The following PKP4 variants were observed in gnomAD, a reference collection of about 807,000 sequenced individuals.
PKP4 encodes plakophilin 4, also known as plakophilin-4.
PKP4 carries 90 observed loss-of-function variants against 145.1 expected under a neutral mutation model. The observed-to-expected ratio is 0.62, with a 90% confidence interval of 0.52 to 0.74. The LOEUF (loss-of-function observed/expected upper bound fraction) is 0.74. Ranked by LOEUF, PKP4 falls within the 30% of genes least tolerant of loss-of-function variation. The pLI, the probability that PKP4 is intolerant of heterozygous loss-of-function variation, is 0.00. For missense variants in PKP4, 1,340 were observed against 1,482.7 expected (o/e 0.90, Z 1.58); for synonymous variants, 563 against 577.2 (o/e 0.98, Z 0.35).
At position 158,640,748 on chromosome 2, in the gene PKP4, G is replaced by A; in HGVS notation, c.1684G>A (p.Val562Met). ...GCACCTGTGCTTTGGTGACAACAAAGTGAAGATGGAGGTACAGGACATGGT... is the reference window on the plus strand; with the variant it reads ...GCACCTGTGCTTTGGTGACAACAAAATGAAGATGGAGGTACAGGACATGGT... ...LQHLCFGDNKVKMEVCRLGGI... is the reference protein window; with the variant it reads ...LQHLCFGDNKMKMEVCRLGGI... The change falls in exon 10 of 22, where the codon GTG becomes ATG. Residue 562 changes from valine (V) to methionine (M), a missense_variant. Transcript: ENST00000389759. 1 of 1,614,132 alleles carries A rather than the reference G, an allele frequency of 6.2e-7. No homozygotes were observed. The highest frequency in any genetic ancestry group is 8.5e-7 in the Non-Finnish European group (1 of 1,179,978).
At chr2:158,471,451 T>C (rs1335534308) in intron 1 of PKP4, among the ~76,000 whole-genome samples, 1 of 152,208 alleles carries the variant, frequency 6.6e-6, no homozygotes, top group Non-Finnish European at 1.5e-5. Context: ...TTCTGGATCA[T>C]GAGATCTATT....
chr2:158,617,753 A>G (rs1327650932), intron 4 of PKP4, among the ~76,000 whole-genome samples: 1 of 152,262 alleles, frequency 6.6e-6, no homozygotes, highest in African/African-American at 2.4e-5. Flanking sequence ...TTTGTGGATC[A>G]CAAGTTTTCA....
At chr2:158,636,432 T>C (rs1306636654) in intron 9 of PKP4, among the ~76,000 whole-genome samples, 1 of 152,178 alleles carries the variant, frequency 6.6e-6, no homozygotes, top group Admixed American at 6.5e-5. Context: ...GTGTCTTTTC[T>C]TTGGCTGCTT....
rs138907687 is a variant in PKP4 at position 158,555,598 on chromosome 2, G to C, written c.133-21673G>C. Among the ~76,000 whole-genome samples the C allele has an allele frequency of 8.4e-3, 1,274 of 152,296 alleles. 16 individuals carry two copies. Among genetic ancestry groups the C allele is most frequent in the African/African-American group, 0.028 (1,168 of 41,550 alleles). On this transcript the variant is annotated intron_variant, in intron 2 of 21. Coordinates refer to ENST00000389759, the MANE Select transcript of PKP4 (RefSeq NM_003628.6). The stretch of plus-strand genomic sequence containing the variant: ...TGCAACACAATTTATACCCAAGTGT[G>C]GGAAATGTTTGTTAAATGTCTTGTA...
rs773526767 is a variant in PKP4, at chr2:158,669,851, A to G, written c.2860A>G (p.Lys954Glu). 1.2e-6 allele frequency: 2 copies of G among 1,614,120 alleles called. No individual in the cohort carries two copies. The highest frequency in any genetic ancestry group is 1.7e-6 in the Non-Finnish European group (2 of 1,179,938). Reference sequence around the variant, plus strand: ...CACCAGCAAAAACATGGAGAACGCAAAAGCCCTGGCCGACTCAGGAGGCAT... The same window carrying G: ...CACCAGCAAAAACATGGAGAACGCAGAAGCCCTGGCCGACTCAGGAGGCAT... ...EVTSKNMENA[K>E]ALADSGGIEK... Residue 954 changes from lysine to glutamate, a missense_variant, in exon 17 of 22, where the codon AAA (lysine) becomes GAA (glutamate). Physicochemically the swap from Lys to Glu is moderately conservative, Grantham distance 56. Transcript: ENST00000389759.
chr2:158,570,535 A>G (rs1422919587), intron 2 of PKP4, among the ~76,000 whole-genome samples: 1 of 152,224 alleles, frequency 6.6e-6, no homozygotes, highest in Non-Finnish European at 1.5e-5. Flanking sequence ...ACCAACAACA[A>G]TTGAAATAAA....
chr2:158,569,731 GA>G (rs1234745227), intron 2 of PKP4, among the ~76,000 whole-genome samples: 1 of 152,066 alleles, frequency 6.6e-6, no homozygotes, highest in East Asian at 1.9e-4. Context: ...CTTTGCAAAA[GA>G]AAAAGTGTGC....
At chr2:158,557,448 C>T (rs2046193422) in intron 2 of PKP4, among the ~76,000 whole-genome samples, 1 of 152,150 alleles carries the variant, frequency 6.6e-6, no homozygotes, top group African/African-American at 2.4e-5. Flanking sequence ...GAATTATATA[C>T]ATGCAAGGTT....
At chr2:158,481,768 C>T (rs1026477755) in intron 1 of PKP4, among the ~76,000 whole-genome samples, 16 of 152,088 alleles carry the variant, frequency 1.1e-4, no homozygotes, top group African/African-American at 3.6e-4. Flanking sequence ...ACTATGATTA[C>T]TTTTAGGGAG....
chr2:158,561,777 G>T (rs566363809), intron 2 of PKP4, among the ~76,000 whole-genome samples: 3 of 150,736 alleles, frequency 2.0e-5, no homozygotes, highest in South Asian at 2.1e-4. Flanking sequence ...ACAAATGAAT[G>T]TATAATCAAG....
chr2:158,568,901 A>G (rs77359069), intron 2 of PKP4, among the ~76,000 whole-genome samples: 4,081 of 152,182 alleles, frequency 0.027, 145 homozygotes, highest in East Asian at 0.14. Flanking sequence ...TGAACCCCGG[A>G]GGCAGAGGTT....
intron 3 of PKP4, chr2:158,578,134 G>C (rs2048018938): frequency 5.4e-6 from 1 of 185,270 alleles, no homozygotes; most frequent in East Asian, 1.8e-4. Context: ...TTTTCTCTCA[G>C]TTATTTCTAA....
chr2:158,508,462 A>G (rs975063274), intron 1 of PKP4, among the ~76,000 whole-genome samples: 1 of 152,118 alleles, frequency 6.6e-6, no homozygotes, highest in African/African-American at 2.4e-5. Context: ...CCCATGGACA[A>G]TTCTAGCATG....
chr2:158,536,566 A>C (rs2044064341), intron 2 of PKP4, among the ~76,000 whole-genome samples: 1 of 152,218 alleles, frequency 6.6e-6, no homozygotes, highest in Non-Finnish European at 1.5e-5. Context: ...TTAGTCTATT[A>C]AATATCTGAA....
At chr2:158,657,738 A>G (rs1334593893) in intron 11 of PKP4, among the ~76,000 whole-genome samples, 1 of 152,256 alleles carries the variant, frequency 6.6e-6, no homozygotes, top group Non-Finnish European at 1.5e-5. Context: ...CAGACATTAA[A>G]TGTAAAATAC....
rs11682169 is a variant in PKP4 at position 158,666,965 on chromosome 2, T to C, written c.2728+402T>C. On this transcript the variant is annotated intron_variant, in intron 16 of 21. Transcript: ENST00000389759. ...TAAATAAAAAATCACATGAATGTTT[T>C]GTAGCTTTCCCCTCTCACATTGGTA... is the stretch of plus-strand genomic sequence containing the variant. 9.0e-3 allele frequency among the ~76,000 whole-genome samples: 1,370 copies of C among 152,346 alleles called. 11 individuals are homozygous for C. Among genetic ancestry groups the C allele is most frequent in the Middle Eastern group, 0.014 (4 of 294 alleles).
intron 18 of PKP4, 51 bp downstream of exon 18, chr2:158,673,812 C>A: frequency 6.8e-7 from 1 of 1,460,534 alleles, no homozygotes; most frequent in Non-Finnish European, 9.6e-7. Context: ...AGAGCACACA[C>A]TCATAATCAT....
intron 2 of PKP4, among the ~76,000 whole-genome samples, chr2:158,549,581 T>C (rs1267777002): frequency 6.6e-6 from 1 of 151,992 alleles, no homozygotes; most frequent in African/African-American, 2.4e-5. Flanking sequence ...GGTGGTTAGG[T>C]GCCATTGCCC....
At chr2:158,588,681 A>T (rs2049004827) in intron 3 of PKP4, among the ~76,000 whole-genome samples, 1 of 152,208 alleles carries the variant, frequency 6.6e-6, no homozygotes, top group African/African-American at 2.4e-5. Flanking sequence ...ATGTGGAAGA[A>T]ATAACTTTCT....
Sources: allele counts gnomAD v4.1 joint callset (sites outside exome capture counted in the v4.1 genomes callset), GRCh38; gene constraint gnomAD v4.1.1; transcripts MANE v1.5; gene names NCBI Gene and HGNC (gene_info 2026-07-23, HGNC 2026-07-21).